ANKS6: variants seen among roughly 807,000 people sequenced by gnomAD.
ANKS6 encodes the protein ankyrin repeat and SAM domain-containing protein 6.
ANKS6 carries 47 observed loss-of-function variants against 77.9 expected under a neutral mutation model. That is an observed-to-expected ratio of 0.60 (90% CI 0.48 to 0.77). The LOEUF (loss-of-function observed/expected upper bound fraction) is 0.77. Among genes scored for constraint, ANKS6 ranks in the 30% least tolerant of loss-of-function variants. The probability of loss-of-function intolerance (pLI) is 0.00; values close to 1 mark genes in which losing one functional copy is unlikely to be tolerated. For missense variants in ANKS6, 1,150 were observed against 1,159.1 expected (o/e 0.99, Z 0.11); for synonymous variants, 488 against 501.7 (o/e 0.97, Z 0.37).
rs892555543 is a variant in ANKS6, at chr9:98,734,964, C to A, written c.*1555G>T. The A allele has an allele frequency of 2.0e-6, 2 of 985,274 alleles. No homozygotes were observed. 61.0% of individuals were successfully genotyped at this position (985,274 alleles called of 1,614,324 possible). Reference sequence around the variant, plus strand: ...CCATCAGGGCAGGGGAAGAAAACTACGAGGCTCTGGGCAGTAAGTTAACGA... The same window carrying A: ...CCATCAGGGCAGGGGAAGAAAACTAAGAGGCTCTGGGCAGTAAGTTAACGA... On this transcript the variant is annotated 3_prime_UTR_variant, in exon 15 of 15. Transcript: ENST00000353234.
In ANKS6 at chr9:98,773,984, A is replaced by G; in HGVS notation, c.1714T>C (p.Ser572Pro). The G allele has an allele frequency of 6.3e-7, 1 of 1,589,362 alleles. No homozygotes were observed. Among genetic ancestry groups the G allele is most frequent in the Non-Finnish European group, 8.6e-7 (1 of 1,169,268 alleles). The change falls in exon 9 of 15, where the codon TCT becomes CCT. Residue 572 changes from serine to proline, a missense_variant. Coordinates refer to ENST00000353234, the MANE Select transcript of ANKS6 (RefSeq NM_173551.5). ...LPPSSFELWS[S>P]DRSRTRHNGK... Reference sequence around the variant, plus strand: ...TTGTGACGCGTCCGGGACCGATCAGAGCTCCACAGCTCAAAACTGGAAGGG... The same window carrying G: ...TTGTGACGCGTCCGGGACCGATCAGGGCTCCACAGCTCAAAACTGGAAGGG...
At position 98,771,052 on chromosome 9, in the gene ANKS6, A is replaced by G; in HGVS notation, c.1822-6T>C. ...TTAACAGGCCTGACGGGTGTCTACA[A>G]GAATAAGGCAGGTGCAGCACTTAGG... On this transcript the variant is annotated splice_region_variant and splice_polypyrimidine_tract_variant and intron_variant, in intron 9 of 14. Coordinates refer to ENST00000353234, the MANE Select transcript of ANKS6 (RefSeq NM_173551.5). 2.6e-6 allele frequency: 4 copies of G among 1,548,792 alleles called. No individual in the cohort carries two copies. Among genetic ancestry groups the G allele is most frequent in the Admixed American group, 1.9e-5 (1 of 51,956 alleles).
chr9:98,779,732 C>T (rs563761433), intron 6 of ANKS6, among the ~76,000 whole-genome samples: 6 of 152,048 alleles, frequency 3.9e-5, no homozygotes, highest in Non-Finnish European at 7.4e-5. Context: ...GGCGCGATCT[C>T]GACTCACTGC....
rs1831494168 is a variant in ANKS6, at chr9:98,736,228, G to C, written c.*291C>G. 5 of 1,223,712 alleles carry C rather than the reference G, an allele frequency of 4.1e-6. No homozygotes were observed. The highest frequency in any genetic ancestry group is 5.1e-6 in the Non-Finnish European group (5 of 980,518). 75.8% of individuals were successfully genotyped at this position (1,223,712 alleles called of 1,614,324 possible). ...AAGCAAACTCTGAGGCTCCCGGGGAGGGCAGAGCACAGGATGAAAGGAGCT... is the reference window on the plus strand; with the variant it reads ...AAGCAAACTCTGAGGCTCCCGGGGACGGCAGAGCACAGGATGAAAGGAGCT... On this transcript the variant is annotated 3_prime_UTR_variant, in exon 15 of 15. Coordinates refer to ENST00000353234, the MANE Select transcript of ANKS6 (RefSeq NM_173551.5).
chr9:98,755,544 A>C (rs906339371), intron 12 of ANKS6, among the ~76,000 whole-genome samples: 2 of 152,160 alleles, frequency 1.3e-5, no homozygotes, highest in Non-Finnish European at 2.9e-5. Flanking sequence ...GCTGTAATTC[A>C]CAAGGCAGGT....
At chr9:98,789,213 G>GTTTATATA (rs1834751510) in intron 2 of ANKS6, among the ~76,000 whole-genome samples, 1 of 151,966 alleles carries the variant, frequency 6.6e-6, no homozygotes, top group Non-Finnish European at 1.5e-5. Flanking sequence ...AGAGCTAGAT[G>GTTTATATA]TTTATATACA....
intron 12 of ANKS6, among the ~76,000 whole-genome samples, chr9:98,751,960 C>T (rs1015965941): frequency 6.6e-6 from 1 of 152,138 alleles, no homozygotes; most frequent in Non-Finnish European, 1.5e-5. Context: ...GATGTGTGTG[C>T]CTGTAGTCCC....
At chr9:98,764,492 C>T (rs1164362286) in intron 11 of ANKS6, among the ~76,000 whole-genome samples, 1 of 152,042 alleles carries the variant, frequency 6.6e-6, no homozygotes, top group Non-Finnish European at 1.5e-5. Flanking sequence ...GTAGGGATTC[C>T]AATTACCTCT....
At chr9:98,774,226 T>C in intron 8 of ANKS6, 146 bp from the exon 9 acceptor site, 2 of 628,416 alleles carry the variant, frequency 3.2e-6, no homozygotes, top group Non-Finnish European at 4.8e-6. Flanking sequence ...CATCTACAGC[T>C]CTCCTCCCAG....
Position 98,784,038 on chromosome 9 carries a change from G to T in ANKS6, c.1027C>A (p.Gln343Lys). 1 of 1,611,556 alleles carries T rather than the reference G, an allele frequency of 6.2e-7. No individual in the cohort carries two copies. The highest frequency in any genetic ancestry group is 1.1e-5 in the South Asian group (1 of 90,318). Reference sequence around the variant, plus strand: ...TCCGCGTGCCTCTCCACCAGCAGCTGCACCAGAGCCAGCTGCCCCGTAACA... The same window carrying T: ...TCCGCGTGCCTCTCCACCAGCAGCTTCACCAGAGCCAGCTGCCCCGTAACA... ...AAVTGQLALV[Q>K]LLVERHADVD... is the part of the protein sequence containing the mutation. Residue 343 changes from glutamine (Q) to lysine (K), a missense_variant, in exon 4 of 15, where the codon CAG (glutamine) becomes AAG (lysine). By Grantham distance (53) the Gln-to-Lys change is moderately conservative (BLOSUM62 1). Coordinates refer to ENST00000353234, the MANE Select transcript of ANKS6 (RefSeq NM_173551.5).
In ANKS6 at chr9:98,734,045, T is replaced by C. The variant is rs1240961074; in HGVS notation, c.*2474A>G. The stretch of plus-strand genomic sequence containing the variant: ...CCAACTGACCCCTCCTCCCTGACGA[T>C]CTATAACCTACATGTTCCGTGCTGC... On this transcript the variant is annotated 3_prime_UTR_variant, in exon 15 of 15. Coordinates refer to ENST00000353234, the MANE Select transcript of ANKS6 (RefSeq NM_173551.5). 2 of 985,286 alleles carry C rather than the reference T, an allele frequency of 2.0e-6. No individual in the cohort carries two copies. The highest frequency in any genetic ancestry group is 4.7e-5 in the South Asian group (1 of 21,264). The allele number at this position is 985,286 out of a possible 1,614,324, so 61.0% of individuals were successfully genotyped here.
chr9:98,735,397 T>C lies in ANKS6; in HGVS notation c.*1122A>G. The C allele has an allele frequency of 8.9e-7, 1 of 1,128,086 alleles. No individual in the cohort carries two copies. The highest frequency in any genetic ancestry group is 1.1e-6 in the Non-Finnish European group (1 of 923,610). 69.9% of individuals were successfully genotyped at this position (1,128,086 alleles called of 1,614,324 possible). A position where few individuals can be genotyped will look rare whatever the true frequency, so the allele number is the denominator to read the frequency against. ...AGCACTGGCTGAATGAGTCATTCAC[T>C]GGAAAACACTTCAGAAAGCCAGTGG... On this transcript the variant is annotated 3_prime_UTR_variant, in exon 15 of 15. Transcript: ENST00000353234.
chr9:98,774,323 G>A (rs1471239161), intron 8 of ANKS6, among the ~76,000 whole-genome samples: 1 of 152,332 alleles, frequency 6.6e-6, no homozygotes, highest in East Asian at 1.9e-4. Context: ...GAATGGGGCA[G>A]AGGAGACAGA....
Position 98,784,842 on chromosome 9 carries a change from T to G in ANKS6, c.897A>C (p.Ala299=). ...EEKRRPDIFH[A]LKMGNFQLVK... is the part of the protein sequence containing the mutation. ...TTCTAAAGCGCTTACCCATTTTCAATGCATGGAAAATATCAGGTCGCCTTT... is the reference window on the plus strand; with the variant it reads ...TTCTAAAGCGCTTACCCATTTTCAAGGCATGGAAAATATCAGGTCGCCTTT... Residue 299 remains alanine (A), a synonymous_variant, in exon 3 of 15, where the codon GCA becomes GCC. Transcript: ENST00000353234. 1 of 1,613,322 alleles carries G rather than the reference T, an allele frequency of 6.2e-7. No individual in the cohort carries two copies. Among genetic ancestry groups the G allele is most frequent in the Non-Finnish European group, 8.5e-7 (1 of 1,179,790 alleles).
At chr9:98,793,912 G>A (rs1835041395) in intron 1 of ANKS6, among the ~76,000 whole-genome samples, 1 of 149,124 alleles carries the variant, frequency 6.7e-6, no homozygotes, top group African/African-American at 2.4e-5. Flanking sequence ...AGCACTTTGG[G>A]AGGCCGAGGT....
chr9:98,754,052 T>C (rs183114117), intron 12 of ANKS6, among the ~76,000 whole-genome samples: 34 of 152,246 alleles, frequency 2.2e-4, no homozygotes, highest in Admixed American at 2.2e-3. Flanking sequence ...CCATGGCACA[T>C]GGTGCTTTGC....
At chr9:98,770,171 G>A (rs1380942520) in intron 10 of ANKS6, among the ~76,000 whole-genome samples, 1 of 152,160 alleles carries the variant, frequency 6.6e-6, no homozygotes, top group Non-Finnish European at 1.5e-5. Context: ...TAACTCTCAT[G>A]AGATCTGATG....
intron 6 of ANKS6, among the ~76,000 whole-genome samples, chr9:98,778,650 C>T (rs1328374627): frequency 6.6e-6 from 1 of 152,230 alleles, no homozygotes; most frequent in African/African-American, 2.4e-5. Context: ...TTCCAATAGC[C>T]TGGAGGTGGC....
intron 13 of ANKS6, among the ~76,000 whole-genome samples, chr9:98,747,510 C>T (rs2117859999): frequency 6.6e-6 from 1 of 152,228 alleles, no homozygotes; most frequent in East Asian, 1.9e-4. Flanking sequence ...CTCCTGGCAT[C>T]TCCTGGGTGT....
Sources: gnomAD v4.1 joint callset for allele counts (sites outside exome capture counted in the v4.1 genomes callset) on GRCh38, gnomAD v4.1.1 for gene constraint, MANE v1.5 for transcripts, NCBI Gene and HGNC (gene_info 2026-07-23, HGNC 2026-07-21) for gene names.